The following PTPRD variants were observed in gnomAD, a reference collection of about 807,000 sequenced individuals.
PTPRD encodes protein tyrosine phosphatase receptor type D, also known as receptor-type tyrosine-protein phosphatase delta.
In PTPRD, 34 loss-of-function variants were observed where a neutral mutation model predicts 214.5. That is an observed-to-expected ratio of 0.16 (90% confidence interval 0.12 to 0.21). The LOEUF (loss-of-function observed/expected upper bound fraction) is 0.21, where lower values mean the gene tolerates loss of function less well. PTPRD is among the 10% of genes least tolerant of loss of function. The pLI, the probability that PTPRD is intolerant of heterozygous loss-of-function variation, is 1.00. For synonymous variants in PTPRD, 1,128 were observed against 845.7 expected (o/e 1.33, Z -5.79); for missense variants, 2,545 against 2,398.7 (o/e 1.06, Z -1.27).
chr9:9,416,703 G>A (rs1465951324), intron 8 of PTPRD, among the ~76,000 whole-genome samples: 1 of 152,008 alleles, frequency 6.6e-6, no homozygotes, highest in African/African-American at 2.4e-5. Context: ...TGACTTATTT[G>A]TACTATTCAT....
At chr9:9,268,915 C>G (rs1941494030) in intron 9 of PTPRD, among the ~76,000 whole-genome samples, 1 of 144,676 alleles carries the variant, frequency 6.9e-6, no homozygotes, top group African/African-American at 2.5e-5. Context: ...CAGAAGAAAA[C>G]ATAGAAGAAA....
At position 8,619,403 on chromosome 9, in the gene PTPRD, T is replaced by G. The variant is rs531117895; in HGVS notation, c.352+13914A>C. 1.6e-3 allele frequency among the ~76,000 whole-genome samples: 239 copies of G among 151,816 alleles called. 1 individual carries two copies. The highest frequency in any genetic ancestry group is 5.5e-3 in the African/African-American group (229 of 41,432). On this transcript the variant is annotated intron_variant, in intron 14 of 45. Transcript: ENST00000381196. ...CCAACATTCTACTCTCTACTACTGA[T>G]ATCAATTTTTTTAGATTCCACAAAT... is the stretch of plus-strand genomic sequence containing the variant.
At chr9:8,585,842 T>C in intron 14 of PTPRD, among the ~76,000 whole-genome samples, 1 of 152,224 alleles carries the variant, frequency 6.6e-6, no homozygotes, top group East Asian at 1.9e-4. Flanking sequence ...AGGTAGACTA[T>C]GTTCTTATGT....
chr9:10,460,638 A>G (rs912153964), intron 2 of PTPRD, among the ~76,000 whole-genome samples: 2 of 152,184 alleles, frequency 1.3e-5, no homozygotes, highest in African/African-American at 4.8e-5. Flanking sequence ...AATGTCTTCA[A>G]TAAATTTGCT....
chr9:10,064,402 A>G (rs1340901797), intron 3 of PTPRD, among the ~76,000 whole-genome samples: 1 of 152,024 alleles, frequency 6.6e-6, no homozygotes, highest in Non-Finnish European at 1.5e-5. Context: ...AGAAGACTAT[A>G]AATCAAATCT....
intron 9 of PTPRD, among the ~76,000 whole-genome samples, chr9:9,236,645 G>T (rs1332931759): frequency 1.6e-5 from 2 of 126,420 alleles, no homozygotes; most frequent in Admixed American, 1.5e-4. Context: ...ATGACTTTTG[G>T]TTTTGGGTGT....
chr9:8,353,119 A>G (rs112893165), intron 39 of PTPRD, among the ~76,000 whole-genome samples: 8,615 of 152,240 alleles, frequency 0.057, 290 homozygotes, highest in South Asian at 0.17. Flanking sequence ...CAAAAAATAA[A>G]TAAATAAAAG....
chr9:9,430,966 G>A (rs955484747), intron 8 of PTPRD, among the ~76,000 whole-genome samples: 11 of 152,050 alleles, frequency 7.2e-5, no homozygotes, highest in Non-Finnish European at 1.3e-4. Context: ...GAAAACCTAG[G>A]CAATACCATT....
chr9:9,290,687 G>A (rs769019483), intron 9 of PTPRD, among the ~76,000 whole-genome samples: 5 of 151,456 alleles, frequency 3.3e-5, no homozygotes, highest in African/African-American at 4.8e-5. Context: ...TTGAATCAAT[G>A]ATTAGCATGA....
rs531819656 is a variant in PTPRD, at chr9:10,311,936, T to C, written c.-545+29027A>G. Among the ~76,000 whole-genome samples the C allele has an allele frequency of 1.1e-4, 17 of 152,028 alleles. 1 individual carries two copies. The highest frequency in any genetic ancestry group is 3.9e-4 in the East Asian group (2 of 5,150). The stretch of plus-strand genomic sequence containing the variant: ...TAGAGCTTTATTTACCACTTTTTTT[T>C]TCTCTCTCTCTTCCCTGGCCTCCAA... On this transcript the variant is annotated intron_variant, in intron 3 of 45. Coordinates refer to ENST00000381196, the MANE Select transcript of PTPRD (RefSeq NM_002839.4).
chr9:9,079,931 A>G (rs1376618415), intron 10 of PTPRD, among the ~76,000 whole-genome samples: 1 of 152,036 alleles, frequency 6.6e-6, no homozygotes, highest in African/African-American at 2.4e-5. Context: ...GTTTCTACTG[A>G]TGTTTAATAT....
At chr9:10,438,897 A>G (rs1326996017) in intron 2 of PTPRD, among the ~76,000 whole-genome samples, 1 of 151,642 alleles carries the variant, frequency 6.6e-6, no homozygotes, top group Non-Finnish European at 1.5e-5. Context: ...AGTGGAGGAG[A>G]CAGTATGAGA....
chr9:10,381,491 T>G (rs1021652490), intron 2 of PTPRD, among the ~76,000 whole-genome samples: 1 of 151,932 alleles, frequency 6.6e-6, no homozygotes, highest in Admixed American at 6.6e-5. Context: ...TTCAGAGATC[T>G]TTAAGCACAG....
chr9:10,028,996 G>A (rs1006813482), intron 4 of PTPRD, among the ~76,000 whole-genome samples: 4 of 152,078 alleles, frequency 2.6e-5, no homozygotes, highest in Non-Finnish European at 4.4e-5. Context: ...GTGCCGCCTA[G>A]GGACTTGGTG....
At chr9:8,994,907 A>G (rs919204605) in intron 11 of PTPRD, among the ~76,000 whole-genome samples, 1 of 152,100 alleles carries the variant, frequency 6.6e-6, no homozygotes, top group Non-Finnish European at 1.5e-5. Context: ...GCTAAAGGGA[A>G]CTTTGCAGAT....
chr9:10,497,361 T>C (rs557697770), intron 2 of PTPRD, among the ~76,000 whole-genome samples: 44 of 152,132 alleles, frequency 2.9e-4, no homozygotes, highest in African/African-American at 1.1e-3. Flanking sequence ...TATACATGTA[T>C]ACTAGATTGT....
chr9:9,723,499 G>A (rs563809807), intron 7 of PTPRD, among the ~76,000 whole-genome samples: 2 of 152,014 alleles, frequency 1.3e-5, no homozygotes, highest in East Asian at 1.9e-4. Flanking sequence ...TAAAGATTTG[G>A]CTATTCTGGG....
chr9:8,611,277 T>A (rs1234407971), intron 14 of PTPRD, among the ~76,000 whole-genome samples: 3 of 152,226 alleles, frequency 2.0e-5, no homozygotes, highest in Non-Finnish European at 4.4e-5. Flanking sequence ...ATATATATTT[T>A]TTTAACTATC....
chr9:10,417,380 CA>C (rs1349488585), intron 2 of PTPRD, among the ~76,000 whole-genome samples: 1 of 151,818 alleles, frequency 6.6e-6, no homozygotes, highest in Non-Finnish European at 1.5e-5. Flanking sequence ...CTTGAAACCT[CA>C]AAATGATCTC....
Sources: allele counts gnomAD v4.1 joint callset (sites outside exome capture counted in the v4.1 genomes callset), GRCh38; gene constraint gnomAD v4.1.1; transcripts MANE v1.5; gene names NCBI Gene and HGNC (gene_info 2026-07-23, HGNC 2026-07-21).